Variants in COL28A1 observed in about 807,000 individuals in gnomAD.
The protein encoded by COL28A1 is collagen alpha-1(XXVIII) chain.
In COL28A1, 161 loss-of-function variants were observed where a neutral mutation model predicts 150.2. The observed-to-expected ratio is 1.07, with a 90% confidence interval of 0.94 to 1.22. The LOEUF is 1.22. Ranked by LOEUF, COL28A1 falls within the 50% of genes most tolerant of loss-of-function variation. COL28A1 has a pLI of 0.00. For synonymous variants in COL28A1, 552 were observed against 469.7 expected (o/e 1.18, Z -2.26); for missense variants, 1,617 against 1,388.3 (o/e 1.16, Z -2.62).
At chr7:7,403,665 T>C (rs1562560454) in intron 27 of COL28A1, among the ~76,000 whole-genome samples, 1 of 152,150 alleles carries the variant, frequency 6.6e-6, no homozygotes, top group Non-Finnish European at 1.5e-5. Flanking sequence ...GCACGTAATA[T>C]TTATAGACTA....
chr7:7,477,222 A>C (rs912089763), intron 13 of COL28A1, 42 bp from the exon 14 acceptor site: 2 of 871,004 alleles, frequency 2.3e-6, no homozygotes, highest in Non-Finnish European at 2.0e-6. Flanking sequence ...AGGAGAGAGA[A>C]AAGGGAAAGA....
intron 15 of COL28A1, among the ~76,000 whole-genome samples, chr7:7,473,697 G>A (rs201730033): frequency 6.6e-6 from 1 of 152,122 alleles, no homozygotes; most frequent in Non-Finnish European, 1.5e-5. Context: ...TATCTACCCA[G>A]AGGAAAAGTC....
intron 33 of COL28A1, among the ~76,000 whole-genome samples, chr7:7,360,963 T>C (rs1541503): frequency 0.67 from 102,290 of 152,142 alleles, 35,963 homozygotes; most frequent in East Asian, 0.87. Context: ...CTAGACGTCT[T>C]AACAATATAT....
chr7:7,503,194 G>A (rs1455612813), intron 11 of COL28A1, among the ~76,000 whole-genome samples: 1 of 152,170 alleles, frequency 6.6e-6, no homozygotes, highest in African/African-American at 2.4e-5. Context: ...GTAGCTAAGA[G>A]CAGACTTGTG....
At chr7:7,356,944 T>G (rs943086234), downstream of COL28A1, 1 of 152,242 alleles carries the variant, frequency 6.6e-6, no homozygotes, top group African/African-American at 2.4e-5. Context: ...TCATTATTTC[T>G]GCCAAGATGG....
intron 27 of COL28A1, among the ~76,000 whole-genome samples, chr7:7,397,716 T>C (rs1292016732): frequency 6.6e-6 from 1 of 152,182 alleles, no homozygotes; most frequent in Non-Finnish European, 1.5e-5. Context: ...AGTAAAACAA[T>C]TTATCTTTGA....
rs1300392049 is a variant in COL28A1 at position 7,373,288 on chromosome 7, TC to T, written c.2617del (p.Glu873LysfsTer23). On this transcript the variant is annotated frameshift_variant, in exon 32 of 35. Coordinates refer to ENST00000399429, the MANE Select transcript of COL28A1 (RefSeq NM_001037763.3). LOFTEE classifies it high-confidence loss of function. This position sits in a 1 kb window ranked among gnomAD's most constrained non-coding sequence, Gnocchi z 4.1. ...CAGAGCAGTGGCTGTGTATGTGCCT[TC>T]CCCCAGATACTGCATGTTGTCCACA... ...LAVDNMQYLG[E>X]GTYTATALQA... 1.2e-6 allele frequency: 2 copies of T among 1,614,032 alleles called. No homozygotes were observed. Among genetic ancestry groups the T allele is most frequent in the Non-Finnish European group, 1.7e-6 (2 of 1,180,038 alleles).
At chr7:7,478,590 C>T (rs1392923868) in intron 13 of COL28A1, among the ~76,000 whole-genome samples, 1 of 152,266 alleles carries the variant, frequency 6.6e-6, no homozygotes, top group East Asian at 1.9e-4. Flanking sequence ...CGCTGTGGAG[C>T]AGGGGCCGTG....
intron 27 of COL28A1, among the ~76,000 whole-genome samples, chr7:7,401,326 A>T (rs1401924690): frequency 1.3e-5 from 2 of 151,764 alleles, no homozygotes; most frequent in Non-Finnish European, 2.9e-5. Context: ...CAGTCTCAAG[A>T]CTTTAAATAC....
At chr7:7,362,477 G>A (rs1780719535) in intron 33 of COL28A1, among the ~76,000 whole-genome samples, 1 of 152,192 alleles carries the variant, frequency 6.6e-6, no homozygotes, top group South Asian at 2.1e-4. Flanking sequence ...CAGCTAAGCT[G>A]TTCTATTGCT....
chr7:7,493,071 T>C (rs1216502691), intron 11 of COL28A1, among the ~76,000 whole-genome samples: 2 of 145,634 alleles, frequency 1.4e-5, no homozygotes, highest in East Asian at 2.0e-4. Flanking sequence ...TATATATATA[T>C]ACCATTAAAA....
At chr7:7,363,224 G>T (rs916428522) in intron 33 of COL28A1, among the ~76,000 whole-genome samples, 6 of 152,110 alleles carry the variant, frequency 3.9e-5, no homozygotes, top group Admixed American at 3.3e-4. Context: ...GGGCTAAGCA[G>T]CACAGTTTTC....
intron 27 of COL28A1, among the ~76,000 whole-genome samples, chr7:7,413,531 G>A (rs2128305119): frequency 6.6e-6 from 1 of 152,236 alleles, no homozygotes; most frequent in South Asian, 2.1e-4. Context: ...CTGAGCAGAG[G>A]GGATATGTGT....
intron 15 of COL28A1, among the ~76,000 whole-genome samples, chr7:7,459,530 A>C (rs1276225359): frequency 1.3e-5 from 2 of 152,252 alleles, no homozygotes; most frequent in Non-Finnish European, 2.9e-5. Flanking sequence ...TTAAAGGCTG[A>C]TATATAAATG....
chr7:7,480,704 C>T (rs1226521063), intron 13 of COL28A1, among the ~76,000 whole-genome samples: 1 of 152,180 alleles, frequency 6.6e-6, no homozygotes, highest in Non-Finnish European at 1.5e-5. Flanking sequence ...ATATACCAAA[C>T]TTCTAGCAGG....
At chr7:7,431,433 A>T (rs999956092) in intron 25 of COL28A1, 1 of 437,642 alleles carries the variant, frequency 2.3e-6, no homozygotes. Flanking sequence ...AAACATACAG[A>T]GGGGTTGGGG....
chr7:7,437,109 T>G (rs1412610692), intron 22 of COL28A1, among the ~76,000 whole-genome samples: 1 of 152,178 alleles, frequency 6.6e-6, no homozygotes. Context: ...TCCTGGTAGA[T>G]TCTTCTGAAT....
At chr7:7,448,410 A>C (rs1270763912) in intron 18 of COL28A1, among the ~76,000 whole-genome samples, 1 of 152,098 alleles carries the variant, frequency 6.6e-6, no homozygotes, top group Non-Finnish European at 1.5e-5. Flanking sequence ...AAAAGTACTA[A>C]AAGGAAGAAA....
chr7:7,346,997 A>G, the COL28A1 span, among the ~76,000 whole-genome samples: 1 of 152,092 alleles, frequency 6.6e-6, no homozygotes. Flanking sequence ...TCTTTATCAA[A>G]CCAGATAAAT....
Sources: gnomAD v4.1 joint callset for allele counts (sites outside exome capture counted in the v4.1 genomes callset) on GRCh38, gnomAD v4.1.1 for gene constraint, Gnocchi (gnomAD v3.1) non-coding constraint, MANE v1.5 for transcripts, NCBI Gene and HGNC (gene_info 2026-07-23, HGNC 2026-07-21) for gene names.